The following SEC24B variants were observed in gnomAD, a reference collection of about 807,000 sequenced individuals.
SEC24B encodes the protein SEC24 homolog B, COPII component.
In SEC24B, 45 loss-of-function variants were observed where a neutral mutation model predicts 142.8. The ratio of observed to expected loss-of-function variants is 0.32; its 90% CI spans 0.25 to 0.40. The LOEUF (loss-of-function observed/expected upper bound fraction) is 0.40. SEC24B is among the 10% of genes least tolerant of loss of function. SEC24B has a pLI of 1.00. For missense variants in SEC24B, 1,409 were observed against 1,526.8 expected (o/e 0.92, Z 1.29); for synonymous variants, 574 against 568.2 (o/e 1.01, Z -0.15).
chr4:109,510,006 C>T lies in SEC24B; in HGVS notation c.1674-3C>T. 6.4e-7 allele frequency: 1 copy of T among 1,574,518 alleles called. No individual in the cohort carries two copies. Among genetic ancestry groups the T allele is most frequent in the Non-Finnish European group, 8.6e-7 (1 of 1,157,282 alleles). ...TCCTCCATGTTGTTTATGTTTTTTG[C>T]AGTTCATTTCGGTGTACTTTGACAA... On this transcript the variant is annotated splice_region_variant and splice_polypyrimidine_tract_variant and intron_variant, in intron 7 of 23. Transcript: ENST00000265175.
intron 11 of SEC24B, among the ~76,000 whole-genome samples, chr4:109,520,155 A>G (rs912636279): frequency 6.6e-6 from 1 of 152,210 alleles, no homozygotes; most frequent in Non-Finnish European, 1.5e-5. Context: ...TAAGCAAGAT[A>G]TACTATTGTT....
intron 3 of SEC24B, among the ~76,000 whole-genome samples, chr4:109,474,909 C>G (rs1051193238): frequency 6.6e-6 from 1 of 152,170 alleles, no homozygotes; most frequent in Admixed American, 6.5e-5. Flanking sequence ...ATATCAGATA[C>G]TTTATATCTC....
chr4:109,538,440 A>T, intron 22 of SEC24B, 53 bp from the exon 23 acceptor site: 1 of 1,210,656 alleles, frequency 8.3e-7, no homozygotes, highest in Non-Finnish European at 1.2e-6. Context: ...TTGTTCTATT[A>T]CTGCTGAAGT....
At position 109,494,876 on chromosome 4, in the gene SEC24B, C is replaced by T. The variant is rs1561134629; in HGVS notation, c.1488+20C>T. The T allele has an allele frequency of 6.2e-7, 1 of 1,612,630 alleles. No homozygotes were observed. The highest frequency in any genetic ancestry group is 1.3e-5 in the African/African-American group (1 of 75,024). On this transcript the variant is annotated intron_variant, in intron 6 of 23. Coordinates refer to ENST00000265175, the MANE Select transcript of SEC24B (RefSeq NM_006323.5). The stretch of plus-strand genomic sequence containing the variant: ...CCTCAAGTATGTATTCAGTCATATA[C>T]ACACATTGTAACAGTTATAAAACTT...
intron 4 of SEC24B, among the ~76,000 whole-genome samples, chr4:109,485,638 G>A (rs1188950228): frequency 6.6e-6 from 1 of 152,154 alleles, no homozygotes; most frequent in Non-Finnish European, 1.5e-5. Context: ...AACATTCTCA[G>A]TGGTGGGATG....
intron 22 of SEC24B, among the ~76,000 whole-genome samples, chr4:109,538,100 T>C (rs1725756793): frequency 6.6e-6 from 1 of 152,240 alleles, no homozygotes; most frequent in Non-Finnish European, 1.5e-5. Context: ...TGGCTGTTTT[T>C]AGAATAGGAT....
chr4:109,529,959 C>G (rs1300591597), intron 18 of SEC24B, among the ~76,000 whole-genome samples: 3 of 152,136 alleles, frequency 2.0e-5, no homozygotes, highest in Non-Finnish European at 4.4e-5. Context: ...GTCATGAACT[C>G]CTGGGCTCAA....
At chr4:109,451,511 A>G (rs1231679422) in intron 1 of SEC24B, among the ~76,000 whole-genome samples, 2 of 152,060 alleles carry the variant, frequency 1.3e-5, no homozygotes, top group Non-Finnish European at 2.9e-5. Context: ...AGCTGTGGCC[A>G]TTGAGAGCTC....
chr4:109,538,215 C>G (rs994076830), intron 22 of SEC24B, among the ~76,000 whole-genome samples: 1 of 152,188 alleles, frequency 6.6e-6, no homozygotes, highest in African/African-American at 2.4e-5. Context: ...ATACTGGTGA[C>G]ATGCTAATCG....
At chr4:109,495,388 C>CGGT (rs1260469321) in intron 6 of SEC24B, among the ~76,000 whole-genome samples, 5 of 152,140 alleles carry the variant, frequency 3.3e-5, no homozygotes, top group Non-Finnish European at 7.3e-5. Context: ...GGGTCTAAAC[C>CGGT]GGTGGTTCGT....
chr4:109,508,142 TAC>T (rs1561152391), intron 7 of SEC24B, among the ~76,000 whole-genome samples: 1 of 152,164 alleles, frequency 6.6e-6, no homozygotes. Context: ...TCCGTAAAAA[TAC>T]AGAGTGTCAT....
intron 1 of SEC24B, among the ~76,000 whole-genome samples, chr4:109,462,060 A>G (rs1344098879): frequency 3.3e-5 from 5 of 152,156 alleles, no homozygotes; most frequent in Admixed American, 1.3e-4. Flanking sequence ...GCTGGTCACC[A>G]TGGTGCACGC....
chr4:109,516,577 A>T lies in SEC24B; in HGVS notation c.2063A>T (p.His688Leu). Reference protein sequence around the residue: ...AVYLFVLDVSHNAVEAGYLTI... With the variant: ...AVYLFVLDVSLNAVEAGYLTI... ...TACTTGTTTGTTTTAGATGTGTCTC[A>T]TAATGCAGTGGAAGCTGGATATTTG... The change falls in exon 11 of 24, where the codon CAT (histidine) becomes CTT (leucine). Residue 688 changes from histidine to leucine, a missense_variant. This residue lies in a region of SEC24B where 700 missense variants were observed against 853.3 expected (regional missense o/e 0.82). Coordinates refer to ENST00000265175, the MANE Select transcript of SEC24B (RefSeq NM_006323.5). 6.2e-7 allele frequency: 1 copy of T among 1,613,312 alleles called. No individual in the cohort carries two copies. Among genetic ancestry groups the T allele is most frequent in the Non-Finnish European group, 8.5e-7 (1 of 1,179,520 alleles).
At chr4:109,518,512 G>A (rs538821491) in intron 11 of SEC24B, among the ~76,000 whole-genome samples, 74 of 152,236 alleles carry the variant, frequency 4.9e-4, no homozygotes, top group African/African-American at 1.5e-3. Context: ...AAGAGTCCTT[G>A]CCCTGTTGAA....
chr4:109,515,381 G>A (rs1367200883), intron 10 of SEC24B, among the ~76,000 whole-genome samples: 3 of 152,116 alleles, frequency 2.0e-5, no homozygotes, highest in Non-Finnish European at 4.4e-5. Flanking sequence ...GATTACAGGC[G>A]TGAGCTACTG....
intron 1 of SEC24B, among the ~76,000 whole-genome samples, chr4:109,450,388 G>A (rs1385317354): frequency 3.3e-5 from 5 of 151,650 alleles, no homozygotes; most frequent in East Asian, 1.9e-4. Flanking sequence ...AGCCAGGCGC[G>A]GTGGCTCACA....
intron 7 of SEC24B, among the ~76,000 whole-genome samples, chr4:109,509,473 C>T (rs34636377): frequency 0.17 from 26,549 of 151,872 alleles, 2,612 homozygotes; most frequent in African/African-American, 0.27. Context: ...GTCAGGAGAT[C>T]GAGACCATCC....
chr4:109,452,038 T>C (rs759768579), intron 1 of SEC24B, among the ~76,000 whole-genome samples: 4 of 151,974 alleles, frequency 2.6e-5, no homozygotes, highest in Non-Finnish European at 5.9e-5. Flanking sequence ...GTATCTATTA[T>C]GCCACTGCAG....
chr4:109,503,894 A>G (rs1736427322), intron 6 of SEC24B, among the ~76,000 whole-genome samples: 1 of 152,036 alleles, frequency 6.6e-6, no homozygotes, highest in Non-Finnish European at 1.5e-5. Flanking sequence ...TTATTAGATA[A>G]TGTATCTTCT....
Sources: gnomAD v4.1 joint callset for allele counts (sites outside exome capture counted in the v4.1 genomes callset) on GRCh38, gnomAD v4.1.1 for gene constraint, gnomAD v4.1.1 regional missense constraint, MANE v1.5 for transcripts, NCBI Gene and HGNC (gene_info 2026-07-23, HGNC 2026-07-21) for gene names.